AP1S3: variants seen among roughly 807,000 people sequenced by gnomAD.
The protein encoded by AP1S3 is AP-1 complex subunit sigma-3.
Under a neutral mutation model 20.9 loss-of-function variants are expected in AP1S3, and 10 were observed. The observed-to-expected ratio is 0.48, with a 90% CI of 0.29 to 0.81. The LOEUF (loss-of-function observed/expected upper bound fraction) is 0.81. Ranked by LOEUF, AP1S3 falls within the 30% of genes least tolerant of loss-of-function variation. AP1S3 has a pLI of 0.08. For missense variants in AP1S3, 154 were observed against 183.8 expected, an observed-to-expected ratio of 0.84 and a Z score of 0.94; for synonymous variants, 41 against 61.5, an observed-to-expected ratio of 0.67 and a Z score of 1.56.
chr2:223,812,825 T>C (rs1691765105), intron 1 of AP1S3, among the ~76,000 whole-genome samples: 1 of 152,010 alleles, frequency 6.6e-6, no homozygotes, highest in East Asian at 1.9e-4. Flanking sequence ...GAATGTGCAG[T>C]GAAGTTACAA....
At chr2:223,791,544 A>G (rs1691217488) in intron 1 of AP1S3, among the ~76,000 whole-genome samples, 1 of 152,216 alleles carries the variant, frequency 6.6e-6, no homozygotes. Context: ...CAAAATAATA[A>G]GGCCATTTGT....
At chr2:223,817,288 T>C (rs867658767) in intron 1 of AP1S3, among the ~76,000 whole-genome samples, 1 of 152,082 alleles carries the variant, frequency 6.6e-6, no homozygotes. Flanking sequence ...TTAACAGCAA[T>C]GGTCTGCTTA....
intron 1 of AP1S3, among the ~76,000 whole-genome samples, chr2:223,802,305 T>A (rs1320313106): frequency 1.0e-4 from 13 of 130,036 alleles, no homozygotes; most frequent in South Asian, 2.3e-4. Flanking sequence ...CAGTTTTATT[T>A]TATTTTTTTT....
chr2:223,828,295 C>T (rs1390255352), intron 1 of AP1S3, among the ~76,000 whole-genome samples: 1,630 of 131,352 alleles, frequency 0.012, 78 homozygotes, highest in African/African-American at 0.042. Flanking sequence ...TCCTCTCTCT[C>T]TTTTTTTTTT....
At chr2:223,775,842 T>C in intron 3 of AP1S3, 59 bp downstream of exon 3, 1 of 1,299,366 alleles carries the variant, frequency 7.7e-7, no homozygotes, top group South Asian at 1.2e-5. Context: ...GAGACAGAAC[T>C]GAAGTAAGAG....
intron 1 of AP1S3, among the ~76,000 whole-genome samples, chr2:223,806,876 G>A (rs1691595224): frequency 6.6e-6 from 1 of 151,728 alleles, no homozygotes; most frequent in African/African-American, 2.4e-5. Flanking sequence ...ATAATTTCAG[G>A]TGGTTTTTTC....
At chr2:223,778,354 G>A (rs573979908) in intron 1 of AP1S3, among the ~76,000 whole-genome samples, 171 of 152,014 alleles carry the variant, frequency 1.1e-3, no homozygotes, top group Non-Finnish European at 2.0e-3. Flanking sequence ...TCGAACTCCT[G>A]ACCTCAGGTG....
At chr2:223,762,691 C>T (rs1194804134) in intron 4 of AP1S3, among the ~76,000 whole-genome samples, 2 of 152,192 alleles carry the variant, frequency 1.3e-5, no homozygotes, top group African/African-American at 4.8e-5. Flanking sequence ...AACATCTAGC[C>T]ACCACACGCT....
intron 4 of AP1S3, 95 bp downstream of exon 4, chr2:223,765,118 T>G (rs2106078853): frequency 6.6e-7 from 1 of 1,525,316 alleles, no homozygotes; most frequent in East Asian, 2.3e-5. Flanking sequence ...CAGCACAGAG[T>G]AAGTACTCAG....
chr2:223,766,416 G>A (rs989511075), intron 3 of AP1S3, among the ~76,000 whole-genome samples: 2 of 152,160 alleles, frequency 1.3e-5, no homozygotes, highest in Admixed American at 6.5e-5. Flanking sequence ...TTGCTGTGCA[G>A]AAGCTCTTTA....
At position 223,776,009 on chromosome 2, in the gene AP1S3, C is replaced by A; in HGVS notation, c.183G>T (p.Arg61Ser). ...DWKELKLVYK[R>S]YASLYFCCAI... is the part of the protein sequence containing the mutation. The stretch of plus-strand genomic sequence containing the variant: ...CACAGCAAAAATATAAACTAGCATA[C>A]CTTGAAATGAAAAATAACAAAAGCA... The change falls in exon 3 of 5, where the codon AGG becomes AGT. Residue 61 changes from arginine (R) to serine (S), a missense_variant and splice_region_variant. By Grantham distance (110) the Arg-to-Ser change is moderately radical. Transcript: ENST00000396654. 5 of 1,611,976 alleles carry A rather than the reference C, an allele frequency of 3.1e-6. No homozygotes were observed. The highest frequency in any genetic ancestry group is 4.2e-6 in the Non-Finnish European group (5 of 1,178,406).
chr2:223,795,463 C>T (rs748143300), intron 1 of AP1S3, among the ~76,000 whole-genome samples: 18 of 152,200 alleles, frequency 1.2e-4, no homozygotes, highest in Admixed American at 2.0e-4. Context: ...ACAAATGTTA[C>T]ATTCCACAAA....
intron 3 of AP1S3, among the ~76,000 whole-genome samples, chr2:223,775,102 A>C (rs1456894947): frequency 3.3e-5 from 5 of 151,826 alleles, no homozygotes; most frequent in Non-Finnish European, 7.4e-5. Flanking sequence ...AGCGAGAAGC[A>C]GGTGAAAGCA....
At chr2:223,792,524 C>T (rs961777242) in intron 1 of AP1S3, among the ~76,000 whole-genome samples, 4 of 151,934 alleles carry the variant, frequency 2.6e-5, no homozygotes, top group Non-Finnish European at 4.4e-5. Flanking sequence ...ACTAGCCACA[C>T]GCAGAAGATT....
chr2:223,830,465 T>A (rs2106041094), intron 1 of AP1S3, among the ~76,000 whole-genome samples: 1 of 136,040 alleles, frequency 7.4e-6, no homozygotes, highest in East Asian at 2.1e-4. Context: ...GGTGACAGAG[T>A]GAGACTCTCT....
chr2:223,779,250 A>T (rs1422057491), intron 1 of AP1S3, among the ~76,000 whole-genome samples: 1 of 152,184 alleles, frequency 6.6e-6, no homozygotes, highest in Non-Finnish European at 1.5e-5. Flanking sequence ...TTTACTTGAA[A>T]ACCTTGGAAG....
At chr2:223,823,251 G>A (rs1317144359) in intron 1 of AP1S3, among the ~76,000 whole-genome samples, 1 of 152,140 alleles carries the variant, frequency 6.6e-6, no homozygotes, top group Non-Finnish European at 1.5e-5. Flanking sequence ...ATATACCCAA[G>A]GGATATGAAA....
chr2:223,796,788 C>G (rs1691348143), intron 1 of AP1S3, among the ~76,000 whole-genome samples: 1 of 152,168 alleles, frequency 6.6e-6, no homozygotes, highest in Non-Finnish European at 1.5e-5. Flanking sequence ...CTCAGCCTCC[C>G]AAGCAGCTGG....
intron 4 of AP1S3, among the ~76,000 whole-genome samples, chr2:223,761,533 T>C (rs1048320062): frequency 1.3e-5 from 2 of 152,066 alleles, no homozygotes; most frequent in Admixed American, 1.3e-4. Context: ...CAAGTGATCC[T>C]TTCACCTTAG....
Sources: allele counts gnomAD v4.1 joint callset (sites outside exome capture counted in the v4.1 genomes callset), GRCh38; gene constraint gnomAD v4.1.1; transcripts MANE v1.5; gene names NCBI Gene and HGNC (gene_info 2026-07-23, HGNC 2026-07-21).